The following ATP6V1B1 variants were observed in gnomAD, a reference collection of about 807,000 sequenced individuals.
The protein encoded by ATP6V1B1 is ATPase H+ transporting V1 subunit B1, also known as V-type proton ATPase subunit B, kidney isoform.
Under a neutral mutation model 62.1 loss-of-function variants are expected in ATP6V1B1, and 41 were observed. The observed-to-expected ratio is 0.66, with a 90% CI of 0.51 to 0.86. ATP6V1B1 has a LOEUF of 0.86. Among genes scored for constraint, ATP6V1B1 ranks in the 40% least tolerant of loss-of-function variants. ATP6V1B1 has a pLI of 0.00. For missense variants in ATP6V1B1, 651 were observed against 697.5 expected (o/e 0.93, Z 0.75); for synonymous variants, 253 against 273.4 (o/e 0.93, Z 0.74).
chr2:70,940,400 C>A, intron 1 of ATP6V1B1: 6 of 985,382 alleles, frequency 6.1e-6, no homozygotes, highest in Non-Finnish European at 7.2e-6. Context: ...TTTCTTCCCC[C>A]AGCGCAGCCC....
In ATP6V1B1 at chr2:70,963,070, C is replaced by A; in HGVS notation, c.910-92C>A. 6.2e-7 allele frequency: 1 copy of A among 1,604,194 alleles called. No individual in the cohort carries two copies. Among genetic ancestry groups the A allele is most frequent in the South Asian group, 1.1e-5 (1 of 90,482 alleles). On this transcript the variant is annotated intron_variant, in intron 9 of 13. Transcript: ENST00000234396. The surrounding 1 kb of genome is among the most constrained non-coding windows in gnomAD (Gnocchi z 4.3). Reference sequence around the variant, plus strand: ...GCCATTCCTCCCCTGCCCCCCACTCCATTTCTCACAGGGTCACTGAACCTC... The same window carrying A: ...GCCATTCCTCCCCTGCCCCCCACTCAATTTCTCACAGGGTCACTGAACCTC...
chr2:70,942,510 T>C, intron 1 of ATP6V1B1: 1 of 397,766 alleles, frequency 2.5e-6, no homozygotes. Flanking sequence ...GGAGGGACTT[T>C]TGGTTTTTCT....
chr2:70,961,461 A>G, intron 7 of ATP6V1B1, 135 bp from the exon 8 acceptor site: 1 of 901,462 alleles, frequency 1.1e-6, no homozygotes, highest in Non-Finnish European at 1.8e-6. Context: ...GGGTCACCCC[A>G]TGGCCTTGGT....
chr2:70,956,232 C>A, intron 2 of ATP6V1B1: 1 of 217,776 alleles, frequency 4.6e-6, no homozygotes, highest in Admixed American at 4.4e-5. Flanking sequence ...CCTCTCCATC[C>A]ATTTTGTTCT....
rs1553420402 is a variant in ATP6V1B1, at chr2:70,963,133, T to G, written c.910-29T>G. Reference sequence around the variant, plus strand: ...CCTAGCTTCAGCCTCTCATCCCCTTTCTTACCCCAGTGCCCATGGATATTG... The same window carrying G: ...CCTAGCTTCAGCCTCTCATCCCCTTGCTTACCCCAGTGCCCATGGATATTG... On this transcript the variant is annotated intron_variant, in intron 9 of 13. Transcript: ENST00000234396. The surrounding 1 kb of genome is among the most constrained non-coding windows in gnomAD (Gnocchi z 4.3). 6.2e-7 allele frequency: 1 copy of G among 1,613,900 alleles called. No homozygotes were observed.
At chr2:70,939,596 C>T (rs1372321754) in intron 1 of ATP6V1B1, 22 of 152,250 alleles carry the variant, frequency 1.4e-4, no homozygotes, top group African/African-American at 5.3e-4. Flanking sequence ...AAAGGACCGG[C>T]TTGCAGTCAA....
At chr2:70,942,513 G>A (rs1473606166) in intron 1 of ATP6V1B1, 6 of 397,570 alleles carry the variant, frequency 1.5e-5, no homozygotes, top group Non-Finnish European at 2.7e-5. Context: ...GGGACTTTTG[G>A]TTTTTCTTTG....
Position 70,965,152 on chromosome 2 carries a change from A to C in ATP6V1B1, c.*31A>C. On this transcript the variant is annotated 3_prime_UTR_variant, in exon 14 of 14. Transcript: ENST00000234396. ...CGCGCCGTGGCACCCCAACACCGGC[A>C]GGGAACCTACCCTCGGCTCCCGGGT... is the stretch of plus-strand genomic sequence containing the variant. 1 of 1,602,384 alleles carries C rather than the reference A, an allele frequency of 6.2e-7. No individual in the cohort carries two copies. Among genetic ancestry groups the C allele is most frequent in the Non-Finnish European group, 8.5e-7 (1 of 1,179,578 alleles).
chr2:70,943,189 C>CAT (rs781980775), intron 1 of ATP6V1B1, among the ~76,000 whole-genome samples: 1 of 36,920 alleles, frequency 2.7e-5, no homozygotes, highest in South Asian at 1.6e-3. Flanking sequence ...ACACCACATA[C>CAT]ACACACACAC....
chr2:70,952,927 T>G (rs983534345), intron 2 of ATP6V1B1, among the ~76,000 whole-genome samples: 2 of 152,196 alleles, frequency 1.3e-5, no homozygotes, highest in Non-Finnish European at 2.9e-5. Flanking sequence ...ACGGAATGCT[T>G]TATGCATCGT....
intron 1 of ATP6V1B1, among the ~76,000 whole-genome samples, chr2:70,942,843 C>T (rs1302131391): frequency 2.0e-5 from 3 of 152,220 alleles, no homozygotes; most frequent in Non-Finnish European, 1.5e-5. Flanking sequence ...CAGAGAAGGG[C>T]ACTGGTCAGG....
chr2:70,940,538 C>T (rs929171542), intron 1 of ATP6V1B1: 4 of 985,332 alleles, frequency 4.1e-6, no homozygotes, highest in Non-Finnish European at 4.8e-6. Context: ...GATCCAAACA[C>T]CATGTGGGTG....
chr2:70,963,600 G>T lies in ATP6V1B1; in HGVS notation c.1089G>T (p.Thr363=), dbSNP rs782584396. 3 of 1,614,156 alleles carry T rather than the reference G, an allele frequency of 1.9e-6. No individual in the cohort carries two copies. The highest frequency in any genetic ancestry group is 2.5e-6 in the Non-Finnish European group (3 of 1,180,022). ...DDITHPIPDL[T]GFITEGQIYV... is the part of the protein sequence containing the mutation. Reference sequence around the variant, plus strand: ...TCACCCACCCTATCCCAGACTTGACGGGCTTCATCACAGAGGGACAGATCT... The same window carrying T: ...TCACCCACCCTATCCCAGACTTGACTGGCTTCATCACAGAGGGACAGATCT... The change falls in exon 11 of 14, where the codon ACG becomes ACT. Residue 363 remains threonine, a synonymous_variant. Transcript: ENST00000234396. This position sits in a 1 kb window ranked among gnomAD's most constrained non-coding sequence, Gnocchi z 4.3.
At position 70,959,896 on chromosome 2, in the gene ATP6V1B1, G is replaced by A; in HGVS notation, c.446-43G>A. The A allele has an allele frequency of 1.9e-6, 3 of 1,613,948 alleles. No individual in the cohort carries two copies. In the Middle Eastern group the frequency reaches 4.9e-4, roughly 266 times the overall value. ...GTCAGTGTCGAGGAGAGCAGGGAAG[G>A]GTTTGAACCCCTGAGCATGGCTCTG... On this transcript the variant is annotated intron_variant, in intron 5 of 13. Transcript: ENST00000234396. This position sits in a 1 kb window ranked among gnomAD's most constrained non-coding sequence, Gnocchi z 4.2.
At position 70,965,056 on chromosome 2, in the gene ATP6V1B1, G is replaced by A. The variant is rs1253976243; in HGVS notation, c.1477G>A (p.Val493Met). The A allele has an allele frequency of 6.2e-7, 1 of 1,613,482 alleles. No individual in the cohort carries two copies. The highest frequency in any genetic ancestry group is 8.5e-7 in the Non-Finnish European group (1 of 1,180,042). Residue 493 changes from valine (V) to methionine (M), a missense_variant, in exon 14 of 14, where the codon GTG (valine) becomes ATG (methionine). By Grantham distance (21) the Val-to-Met change is conservative. Coordinates refer to ENST00000234396, the MANE Select transcript of ATP6V1B1 (RefSeq NM_001692.4). ...KEMLKRIPQA[V>M]IDEFYSREGA... ...GATGCTGAAGCGCATTCCGCAGGCC[G>A]TGATCGACGAGTTCTATTCCCGCGA...
rs1348888880 is a variant in ATP6V1B1 at position 70,961,780 on chromosome 2, C to T, written c.785+87C>T. On this transcript the variant is annotated intron_variant, in intron 8 of 13. Coordinates refer to ENST00000234396, the MANE Select transcript of ATP6V1B1 (RefSeq NM_001692.4). ...CTACAGTACCAGGGCTCCAGGGCAT[C>T]CCAGAACTACAGCCATACGCCAGAG... The T allele has an allele frequency of 2.7e-5, 35 of 1,276,114 alleles. No homozygotes were observed. In the African/African-American group the frequency reaches 4.2e-4, roughly 15 times the overall value. The allele number at this position is 1,276,114 out of a possible 1,614,324, so 79.0% of individuals were successfully genotyped here.
intron 2 of ATP6V1B1, among the ~76,000 whole-genome samples, chr2:70,945,701 G>GAGATATATATATATATATAT (rs1553417203): frequency 6.0e-5 from 5 of 83,012 alleles, no homozygotes; most frequent in African/African-American, 2.4e-4. Context: ...TATTTGAAGA[G>GAGATATATATATATATATAT]ATATATATAT....
At chr2:70,953,597 C>A (rs1340974254) in intron 2 of ATP6V1B1, among the ~76,000 whole-genome samples, 1 of 152,074 alleles carries the variant, frequency 6.6e-6, no homozygotes, top group Non-Finnish European at 1.5e-5. Flanking sequence ...CTTTTTTATA[C>A]ATTGCTAGAT....
chr2:70,961,043 G>A (rs750437501), intron 7 of ATP6V1B1, 21 bp downstream of exon 7: 6 of 1,559,118 alleles, frequency 3.8e-6, no homozygotes, highest in Non-Finnish European at 5.2e-6. Context: ...TTAGTAGACT[G>A]GCAAGTTCTG....
Sources: allele counts gnomAD v4.1 joint callset (sites outside exome capture counted in the v4.1 genomes callset), GRCh38; gene constraint gnomAD v4.1.1; non-coding constraint Gnocchi (gnomAD v3.1); transcripts MANE v1.5; gene names NCBI Gene and HGNC (gene_info 2026-07-23, HGNC 2026-07-21).